DOCK1: variants seen among roughly 807,000 people sequenced by gnomAD.
The protein encoded by DOCK1 is dedicator of cytokinesis protein 1.
Under a neutral mutation model 262.7 loss-of-function variants are expected in DOCK1, and 138 were observed. The observed-to-expected ratio is 0.53, with a 90% CI of 0.46 to 0.61. The LOEUF (loss-of-function observed/expected upper bound fraction) is 0.61. Ranked by LOEUF, DOCK1 falls within the 20% of genes least tolerant of loss-of-function variation. The probability of loss-of-function intolerance (pLI) is 0.00; values close to 1 mark genes in which losing one functional copy is unlikely to be tolerated. For missense variants in DOCK1, 1,908 were observed against 2,370.7 expected, an observed-to-expected ratio of 0.80 and a Z score of 4.05; for synonymous variants, 866 against 867.4, an observed-to-expected ratio of 1.00 and a Z score of 0.03.
At chr10:127,063,068 G>T (rs140801932) in intron 23 of DOCK1, among the ~76,000 whole-genome samples, 1 of 152,298 alleles carries the variant, frequency 6.6e-6, no homozygotes, top group African/African-American at 2.4e-5. Flanking sequence ...GGTTTTCACT[G>T]GGCTGACTTA....
In DOCK1 at chr10:127,408,561, T is replaced by A. The variant is rs145764443; in HGVS notation, c.4123-476T>A. Among the ~76,000 whole-genome samples the A allele has an allele frequency of 4.6e-5, 7 of 152,302 alleles. No individual in the cohort carries two copies. In the East Asian group the frequency reaches 1.4e-3, roughly 29 times the overall value. ...CGTGTGCAGGTGCTGGGGCCCCACC[T>A]TAGCTCAAGCTCTCTTAAATTCCTT... is the stretch of plus-strand genomic sequence containing the variant. On this transcript the variant is annotated intron_variant, in intron 40 of 51. Transcript: ENST00000623213.
intron 31 of DOCK1, among the ~76,000 whole-genome samples, chr10:127,350,051 C>T (rs904363158): frequency 6.6e-6 from 1 of 152,186 alleles, no homozygotes; most frequent in Non-Finnish European, 1.5e-5. Flanking sequence ...CCAACCCACA[C>T]TAGTCATGAC....
intron 27 of DOCK1, among the ~76,000 whole-genome samples, chr10:127,128,776 T>C (rs2050131945): frequency 6.6e-6 from 1 of 152,178 alleles, no homozygotes; most frequent in Non-Finnish European, 1.5e-5. Flanking sequence ...ACATTTTCTT[T>C]ATTCAGACAC....
intron 1 of DOCK1, among the ~76,000 whole-genome samples, chr10:126,921,921 G>T (rs1462884089): frequency 2.0e-5 from 3 of 152,046 alleles, no homozygotes; most frequent in Admixed American, 6.5e-5. Context: ...TATAAGAAAA[G>T]AGGTATAAGG....
chr10:127,004,782 C>A (rs1263084289), intron 10 of DOCK1, among the ~76,000 whole-genome samples: 1 of 134,966 alleles, frequency 7.4e-6, no homozygotes, highest in Non-Finnish European at 1.6e-5. Context: ...ACCCCCCCGC[C>A]CCAAAAAAAA....
At chr10:126,980,317 A>G (rs1290856342) in intron 3 of DOCK1, among the ~76,000 whole-genome samples, 1 of 152,024 alleles carries the variant, frequency 6.6e-6, no homozygotes, top group Admixed American at 6.6e-5. Context: ...TCAGCCTCCC[A>G]AGTAGCTGGG....
chr10:127,033,874 C>T (rs1408132141), intron 18 of DOCK1, among the ~76,000 whole-genome samples: 1 of 152,220 alleles, frequency 6.6e-6, no homozygotes, highest in African/African-American at 2.4e-5. Flanking sequence ...CACTTTCCCA[C>T]TGCTGGTCTG....
In DOCK1 at chr10:127,176,028, T is replaced by C. The variant is rs781103257; in HGVS notation, c.2847+48264T>C. 1 of 1,614,208 alleles carries C rather than the reference T, an allele frequency of 6.2e-7. No homozygotes were observed. The highest frequency in any genetic ancestry group is 8.5e-7 in the Non-Finnish European group (1 of 1,180,044). ...TGGGAGGCTTTTGAGGTTCCCCTTT[T>C]TGCGGTCCAGAGGGAACGTCTGGTA... is the stretch of plus-strand genomic sequence containing the variant. On this transcript the variant is annotated intron_variant, in intron 27 of 51. Transcript: ENST00000623213. This position sits in a 1 kb window ranked among gnomAD's most constrained non-coding sequence, Gnocchi z 4.4.
At chr10:127,010,358 T>C (rs1746013339) in intron 11 of DOCK1, among the ~76,000 whole-genome samples, 1 of 152,078 alleles carries the variant, frequency 6.6e-6, no homozygotes, top group Non-Finnish European at 1.5e-5. Context: ...TCCCAGCTAC[T>C]TGGGAGGCTG....
At chr10:127,421,386 T>G (rs1245550466) in intron 46 of DOCK1, among the ~76,000 whole-genome samples, 3 of 152,192 alleles carry the variant, frequency 2.0e-5, no homozygotes, top group African/African-American at 7.2e-5. Context: ...ATGGGTTGGA[T>G]TTTTATAATT....
At chr10:127,098,708 C>T (rs1414979827) in intron 23 of DOCK1, among the ~76,000 whole-genome samples, 1 of 152,126 alleles carries the variant, frequency 6.6e-6, no homozygotes, top group Non-Finnish European at 1.5e-5. Context: ...TAGGGTCCCC[C>T]ACATGCATTC....
intron 37 of DOCK1, among the ~76,000 whole-genome samples, chr10:127,381,632 C>T (rs1214913697): frequency 6.6e-6 from 1 of 152,194 alleles, no homozygotes; most frequent in Non-Finnish European, 1.5e-5. Flanking sequence ...TGTGAGCTGA[C>T]AGCAAGTTAG....
In DOCK1 at chr10:127,316,987, G is replaced by A. The variant is rs560428794; in HGVS notation, c.3045-22019G>A. Among the ~76,000 whole-genome samples, 7 of 152,160 alleles carry A rather than the reference G, an allele frequency of 4.6e-5. No homozygotes were observed. The East Asian group carries it at 5.8e-4, about 13-fold the overall frequency. On this transcript the variant is annotated intron_variant, in intron 29 of 51. Transcript: ENST00000623213. ...TTCACCCCAAACTGTCCACTGTGCC[G>A]TCACTGGCTAAAGCGAGCTGACTTT...
At chr10:127,310,928 G>A (rs1012092429) in intron 29 of DOCK1, among the ~76,000 whole-genome samples, 2 of 152,224 alleles carry the variant, frequency 1.3e-5, no homozygotes, top group Non-Finnish European at 2.9e-5. Context: ...CCTGAAATGA[G>A]TGTGATGCAG....
intron 29 of DOCK1, among the ~76,000 whole-genome samples, chr10:127,333,514 A>T (rs188393727): frequency 2.6e-5 from 4 of 152,336 alleles, no homozygotes; most frequent in Admixed American, 2.0e-4. Context: ...CTCAATTAAC[A>T]TATAATTATT....
intron 18 of DOCK1, 103 bp from the exon 19 acceptor site, chr10:127,037,616 C>A: frequency 1.0e-6 from 1 of 973,228 alleles, no homozygotes; most frequent in Non-Finnish European, 1.5e-6. Flanking sequence ...GTTGATTTCT[C>A]TGTTCACAAA....
chr10:127,097,360 G>T (rs1223898487), intron 23 of DOCK1, among the ~76,000 whole-genome samples: 1 of 152,164 alleles, frequency 6.6e-6, no homozygotes, highest in Admixed American at 6.5e-5. Flanking sequence ...TCAGCAGCCT[G>T]CCTGTCTTAA....
At chr10:127,417,256 AGGT>A (rs1323604142) in intron 44 of DOCK1, among the ~76,000 whole-genome samples, 1 of 152,080 alleles carries the variant, frequency 6.6e-6, no homozygotes, top group Non-Finnish European at 1.5e-5. Flanking sequence ...TGTGAGGAGG[AGGT>A]TTGGTCTGCT....
intron 29 of DOCK1, among the ~76,000 whole-genome samples, chr10:127,289,300 C>G (rs2061268902): frequency 6.6e-6 from 1 of 152,224 alleles, no homozygotes; most frequent in Middle Eastern, 3.4e-3. Context: ...TTTCTCATCA[C>G]TTTTTACCAC....
Sources: allele counts gnomAD v4.1 joint callset (sites outside exome capture counted in the v4.1 genomes callset), GRCh38; gene constraint gnomAD v4.1.1; non-coding constraint Gnocchi (gnomAD v3.1); transcripts MANE v1.5; gene names NCBI Gene and HGNC (gene_info 2026-07-23, HGNC 2026-07-21).